Variants in XKR6 observed in about 807,000 individuals in gnomAD.
The protein encoded by XKR6 is XK related 6.
Under a neutral mutation model 56.7 loss-of-function variants are expected in XKR6, and 22 were observed. The ratio of observed to expected loss-of-function variants is 0.39; its 90% CI spans 0.28 to 0.55. The LOEUF (loss-of-function observed/expected upper bound fraction) is 0.55, where lower values mean the gene tolerates loss of function less well. Among genes scored for constraint, XKR6 ranks in the 20% least tolerant of loss-of-function variants. The pLI, the probability that XKR6 is intolerant of heterozygous loss-of-function variation, is 0.66. For synonymous variants in XKR6, 524 were observed against 387.8 expected (o/e 1.35, Z -4.13); for missense variants, 852 against 889.0 (o/e 0.96, Z 0.53).
chr8:11,133,157 C>G (rs550502758), intron 1 of XKR6, among the ~76,000 whole-genome samples: 127 of 152,118 alleles, frequency 8.3e-4, no homozygotes, highest in African/African-American at 2.8e-3. Context: ...GAATTGAAAC[C>G]TAAACGCACA....
At chr8:10,904,166 C>A (rs1330702454) in intron 2 of XKR6, among the ~76,000 whole-genome samples, 2 of 152,190 alleles carry the variant, frequency 1.3e-5, no homozygotes, top group African/African-American at 2.4e-5. Flanking sequence ...TGAGCAGTGA[C>A]CTTCACAGCT....
At chr8:11,073,351 G>T (rs1049453905) in intron 1 of XKR6, among the ~76,000 whole-genome samples, 2 of 152,146 alleles carry the variant, frequency 1.3e-5, no homozygotes, top group Non-Finnish European at 2.9e-5. Flanking sequence ...GTCTTTGGGG[G>T]TCAGTTTATT....
Position 11,014,653 on chromosome 8 carries a change from T to C in XKR6, c.765-89823A>G, listed in dbSNP as rs79227067. Reference sequence around the variant, plus strand: ...TGCTAACAAAATGTAGGTCCCATGATTGAGGATCACTCAACACAGATATGG... The same window carrying C: ...TGCTAACAAAATGTAGGTCCCATGACTGAGGATCACTCAACACAGATATGG... On this transcript the variant is annotated intron_variant, in intron 1 of 2. Transcript: ENST00000416569. Among the ~76,000 whole-genome samples the C allele has an allele frequency of 8.3e-3, 1,260 of 152,280 alleles. 17 individuals are homozygous for C. Among genetic ancestry groups the C allele is most frequent in the African/African-American group, 0.028 (1,171 of 41,550 alleles).
chr8:11,072,473 A>G (rs570100107), intron 1 of XKR6, among the ~76,000 whole-genome samples: 2 of 152,262 alleles, frequency 1.3e-5, no homozygotes, highest in Non-Finnish European at 1.5e-5. Context: ...GCTCCTCTCA[A>G]CAACCACATT....
intron 1 of XKR6, among the ~76,000 whole-genome samples, chr8:11,030,630 A>G (rs1013763478): frequency 3.3e-5 from 5 of 152,032 alleles, no homozygotes; most frequent in Admixed American, 3.3e-4. Flanking sequence ...AGTGACAGGG[A>G]CATTCCTGGG....
At chr8:10,967,108 T>C (rs1407684515) in intron 1 of XKR6, among the ~76,000 whole-genome samples, 1 of 152,222 alleles carries the variant, frequency 6.6e-6, no homozygotes, top group East Asian at 1.9e-4. Flanking sequence ...CCCTGCGTCA[T>C]AGGTCTGCAT....
At chr8:10,954,569 C>G (rs1801817606) in intron 1 of XKR6, among the ~76,000 whole-genome samples, 1 of 152,188 alleles carries the variant, frequency 6.6e-6, no homozygotes, top group African/African-American at 2.4e-5. Flanking sequence ...CTTAATCAAA[C>G]ACATGATTTA....
chr8:10,900,641 CCTTTT>C (rs978341830), intron 2 of XKR6, among the ~76,000 whole-genome samples: 16 of 152,192 alleles, frequency 1.1e-4, no homozygotes, highest in South Asian at 4.1e-4. Flanking sequence ...TGGCAATTTT[CCTTTT>C]CTTTTCTAGA....
chr8:11,023,862 C>G (rs1258409120), intron 1 of XKR6, among the ~76,000 whole-genome samples: 1 of 152,196 alleles, frequency 6.6e-6, no homozygotes, highest in Non-Finnish European at 1.5e-5. Flanking sequence ...GTACGATGTC[C>G]TTCTCCAGCT....
At position 11,131,182 on chromosome 8, in the gene XKR6, A is replaced by C. The variant is rs1339965529; in HGVS notation, c.764+69394T>G. 2.6e-5 allele frequency among the ~76,000 whole-genome samples: 4 copies of C among 152,136 alleles called. No individual in the cohort carries two copies. In the East Asian group the frequency reaches 7.7e-4, roughly 29 times the overall value. On this transcript the variant is annotated intron_variant, in intron 1 of 2. Transcript: ENST00000416569. Reference sequence around the variant, plus strand: ...GCATTTGTACACTCTGGTTCATCTCAGTGAGCCTCTTTCATTTTCCATAGC... The same window carrying C: ...GCATTTGTACACTCTGGTTCATCTCCGTGAGCCTCTTTCATTTTCCATAGC...
intron 1 of XKR6, among the ~76,000 whole-genome samples, chr8:11,092,614 G>A (rs1798112204): frequency 6.6e-6 from 1 of 152,134 alleles, no homozygotes; most frequent in Admixed American, 6.5e-5. Flanking sequence ...AGCTGGCCAT[G>A]GTCCTGCCCT....
At chr8:10,910,708 G>A (rs918249058) in intron 2 of XKR6, among the ~76,000 whole-genome samples, 35 of 152,292 alleles carry the variant, frequency 2.3e-4, no homozygotes, top group African/African-American at 7.5e-4. Flanking sequence ...GGGTTTAAAG[G>A]GCCCAGGAGG....
At chr8:11,052,788 T>C (rs1799586374) in intron 1 of XKR6, among the ~76,000 whole-genome samples, 1 of 144,376 alleles carries the variant, frequency 6.9e-6, no homozygotes, top group East Asian at 2.1e-4. Flanking sequence ...CCGGGAAAGC[T>C]TGGGGACCTC....
At chr8:10,946,944 G>T (rs1801569189) in intron 1 of XKR6, among the ~76,000 whole-genome samples, 1 of 152,112 alleles carries the variant, frequency 6.6e-6, no homozygotes, top group Non-Finnish European at 1.5e-5. Flanking sequence ...AGTTCCAGAG[G>T]GTCAAAATCC....
At position 11,120,536 on chromosome 8, in the gene XKR6, A is replaced by C. The variant is rs1405233920; in HGVS notation, c.764+80040T>G. On this transcript the variant is annotated intron_variant, in intron 1 of 2. Transcript: ENST00000416569. ...AAACCACTGCTCAACGAAATAAAAG[A>C]GGATACAAACAAATGGAAGAACATT... is the stretch of plus-strand genomic sequence containing the variant. Among the ~76,000 whole-genome samples the C allele has an allele frequency of 3.3e-5, 5 of 152,132 alleles. No homozygotes were observed. The East Asian group carries it at 7.7e-4, about 23-fold the overall frequency.
At chr8:11,107,655 G>C (rs1348038692) in intron 1 of XKR6, 1 of 152,576 alleles carries the variant, frequency 6.6e-6, no homozygotes, top group Non-Finnish European at 1.5e-5. Context: ...TGTTGTAAAA[G>C]CCCAAACACA....
At chr8:11,095,817 T>G (rs79481376) in intron 1 of XKR6, among the ~76,000 whole-genome samples, 2,160 of 152,348 alleles carry the variant, frequency 0.014, 59 homozygotes, top group African/African-American at 0.048. Context: ...TGCATATATC[T>G]GGTTAAGACT....
intron 1 of XKR6, among the ~76,000 whole-genome samples, chr8:10,958,495 G>T (rs929822220): frequency 3.9e-5 from 6 of 152,230 alleles, no homozygotes; most frequent in African/African-American, 1.4e-4. Flanking sequence ...CTGAGAGCTG[G>T]ATATCACTGG....
chr8:11,192,951 G>C (rs1161846026), intron 1 of XKR6, among the ~76,000 whole-genome samples: 5 of 152,202 alleles, frequency 3.3e-5, no homozygotes, highest in Admixed American at 3.3e-4. Flanking sequence ...CATGGGTTTG[G>C]CATCTTCCTC....
Sources: allele counts gnomAD v4.1 joint callset (sites outside exome capture counted in the v4.1 genomes callset), GRCh38; gene constraint gnomAD v4.1.1; transcripts MANE v1.5; gene names NCBI Gene and HGNC (gene_info 2026-07-23, HGNC 2026-07-21).